The following CFAP221 variants were observed in gnomAD, a reference collection of about 807,000 sequenced individuals.
CFAP221 encodes cilia and flagella associated protein 221, also known as cilia- and flagella-associated protein 221.
In CFAP221, 97 loss-of-function variants were observed where a neutral mutation model predicts 113.1. The observed-to-expected ratio is 0.86, with a 90% confidence interval of 0.73 to 1.02. The LOEUF (loss-of-function observed/expected upper bound fraction) is 1.02. CFAP221 is among the 50% of genes least tolerant of loss of function. The pLI is 0.00. For missense variants in CFAP221, 1,025 were observed against 1,013.4 expected (o/e 1.01, Z -0.16); for synonymous variants, 331 against 354.4 (o/e 0.93, Z 0.74).
At chr2:119,588,195 T>C (rs1683349867) in intron 7 of CFAP221, among the ~76,000 whole-genome samples, 1 of 152,220 alleles carries the variant, frequency 6.6e-6, no homozygotes, top group Non-Finnish European at 1.5e-5. Context: ...GCCCCTCTGA[T>C]GGTCCATAAT....
intron 21 of CFAP221, among the ~76,000 whole-genome samples, chr2:119,642,799 C>T (rs955208425): frequency 6.6e-6 from 1 of 152,014 alleles, no homozygotes; most frequent in African/African-American, 2.4e-5. Context: ...CTCAGCCTCC[C>T]AAAGTGCTGG....
intron 6 of CFAP221, among the ~76,000 whole-genome samples, chr2:119,572,131 A>T (rs1009668966): frequency 6.6e-6 from 1 of 152,176 alleles, no homozygotes; most frequent in Non-Finnish European, 1.5e-5. Context: ...AATTTTCCTT[A>T]CTGAGATAAA....
chr2:119,630,777 C>T lies in CFAP221; in HGVS notation c.1850C>T (p.Thr617Ile). The change falls in exon 19 of 24, where the codon ACC becomes ATC. Residue 617 changes from threonine to isoleucine, a missense_variant. By Grantham distance (89) the Thr-to-Ile change is moderately conservative (BLOSUM62 -1). Transcript: ENST00000413369. Reference protein sequence around the residue: ...ALKQGAEDEVTTITALPKQDS... With the variant: ...ALKQGAEDEVITITALPKQDS... ...CTTGCTCCTTGTTAGGATGAAGTCACCACCATCACAGCCCTTCCGAAACAG... is the reference window on the plus strand; with the variant it reads ...CTTGCTCCTTGTTAGGATGAAGTCATCACCATCACAGCCCTTCCGAAACAG... 1 of 1,610,446 alleles carries T rather than the reference C, an allele frequency of 6.2e-7. No individual in the cohort carries two copies. The highest frequency in any genetic ancestry group is 8.5e-7 in the Non-Finnish European group (1 of 1,176,954).
Position 119,651,614 on chromosome 2 carries a change from A to T in CFAP221, c.2319-360A>T, listed in dbSNP as rs775078539. Among the ~76,000 whole-genome samples the T allele has an allele frequency of 3.3e-5, 5 of 152,206 alleles. No individual in the cohort carries two copies. In the East Asian group the frequency reaches 5.8e-4, roughly 18 times the overall value. ...TCTAATTCCATTGTGGAGAGAGAAC[A>T]TATTCCGACTAATTTTAGTCTTTTG... On this transcript the variant is annotated intron_variant, in intron 22 of 23. Transcript: ENST00000413369.
chr2:119,560,913 A>G (rs1681199042), intron 5 of CFAP221, among the ~76,000 whole-genome samples: 1 of 152,084 alleles, frequency 6.6e-6, no homozygotes, highest in African/African-American at 2.4e-5. Context: ...TAGACCCAAC[A>G]TACCCACAAT....
rs1222323481 is a variant in CFAP221, at chr2:119,630,881, T to G, written c.1954T>G (p.Tyr652Asp). Residue 652 changes from tyrosine (Y) to aspartate (D), a missense_variant, in exon 19 of 24, where the codon TAT becomes GAT. Physicochemically the swap from Tyr to Asp is radical, Grantham distance 160. Coordinates refer to ENST00000413369, the MANE Select transcript of CFAP221 (RefSeq NM_001271049.2). ...PPEALAMSLDYDPLYVFNPNP... is the reference protein window; with the variant it reads ...PPEALAMSLDDDPLYVFNPNP... ...TGAGGCCTTAGCCATGTCTCTAGAT[T>G]ATGATCCTCTGTATGTTTTTGTAAG... is the stretch of plus-strand genomic sequence containing the variant. 1 of 1,613,686 alleles carries G rather than the reference T, an allele frequency of 6.2e-7. No homozygotes were observed. The highest frequency in any genetic ancestry group is 8.5e-7 in the Non-Finnish European group (1 of 1,179,662).
At position 119,556,616 on chromosome 2, in the gene CFAP221, C is replaced by T. The variant is rs376332431; in HGVS notation, c.241-3073C>T. ...TCACCCAGGTTGGAGTGCAATGGCG[C>T]GATCTCAGCTCACTGCAACCTCCAC... On this transcript the variant is annotated intron_variant, in intron 3 of 23. Coordinates refer to ENST00000413369, the MANE Select transcript of CFAP221 (RefSeq NM_001271049.2). Among the ~76,000 whole-genome samples, 6 of 150,302 alleles carry T rather than the reference C, an allele frequency of 4.0e-5. No individual in the cohort carries two copies. The South Asian group carries it at 8.5e-4, about 21-fold the overall frequency.
chr2:119,568,992 T>A (rs1681848580), intron 6 of CFAP221, among the ~76,000 whole-genome samples: 1 of 152,090 alleles, frequency 6.6e-6, no homozygotes, highest in Non-Finnish European at 1.5e-5. Context: ...AGTCGGTGGT[T>A]TTTTTTCCTC....
At chr2:119,580,300 A>G (rs981003291) in intron 6 of CFAP221, 4 of 152,196 alleles carry the variant, frequency 2.6e-5, no homozygotes, top group Non-Finnish European at 4.4e-5. Flanking sequence ...TGTTGACTGA[A>G]GACCATACAC....
At position 119,559,682 on chromosome 2, in the gene CFAP221, CTCCCAGCA is replaced by C; in HGVS notation, c.241-4_244del. 6.6e-7 allele frequency: 1 copy of C among 1,519,882 alleles called. No homozygotes were observed. Among genetic ancestry groups the C allele is most frequent in the Non-Finnish European group, 8.8e-7 (1 of 1,132,280 alleles). 94.1% of individuals were successfully genotyped at this position (1,519,882 alleles called of 1,614,324 possible). On this transcript the variant is annotated splice_acceptor_variant and splice_polypyrimidine_tract_variant and coding_sequence_variant and intron_variant, in exon 4 of 24. Coordinates refer to ENST00000413369, the MANE Select transcript of CFAP221 (RefSeq NM_001271049.2). LOFTEE classifies it high-confidence loss of function. Reference sequence around the variant, plus strand: ...ATTTCCTCTAAATACTTCTTTTTCTCTCCCAGCATCTGGTCAATGTTTCCAATGAAGAC... The same window carrying C: ...ATTTCCTCTAAATACTTCTTTTTCTCTCTGGTCAATGTTTCCAATGAAGAC...
rs182451994 is a variant in CFAP221 at position 119,628,798 on chromosome 2, T to C, written c.1650+1012T>C. ...TGACTTAAAAGAGCAGAATAATTAG[T>C]TCCTAAAGAATAAAAATCCTGTGAT... is the stretch of plus-strand genomic sequence containing the variant. On this transcript the variant is annotated intron_variant, in intron 16 of 23. Transcript: ENST00000413369. 1.5e-3 allele frequency among the ~76,000 whole-genome samples: 227 copies of C among 152,340 alleles called. 1 individual carries two copies. The highest frequency in any genetic ancestry group is 2.3e-3 in the Non-Finnish European group (155 of 68,026).
intron 6 of CFAP221, among the ~76,000 whole-genome samples, chr2:119,574,525 G>A (rs1215517176): frequency 1.3e-5 from 2 of 152,176 alleles, no homozygotes; most frequent in Non-Finnish European, 2.9e-5. Context: ...TGACAGTTGT[G>A]GATGGTTTTT....
At chr2:119,566,239 C>T (rs1373446470) in intron 6 of CFAP221, among the ~76,000 whole-genome samples, 2 of 152,132 alleles carry the variant, frequency 1.3e-5, no homozygotes, top group Non-Finnish European at 2.9e-5. Context: ...TCCCAGGAAT[C>T]GTCATCTGTA....
intron 7 of CFAP221, among the ~76,000 whole-genome samples, chr2:119,598,633 A>G (rs565753820): frequency 1.1e-4 from 17 of 152,264 alleles, no homozygotes; most frequent in South Asian, 2.1e-4. Context: ...AAAGCATGAA[A>G]CATACTCTCC....
chr2:119,550,439 A>G (rs537596399), intron 3 of CFAP221, among the ~76,000 whole-genome samples: 1 of 152,322 alleles, frequency 6.6e-6, no homozygotes, highest in South Asian at 2.1e-4. Flanking sequence ...GGAACCTGTT[A>G]GGTGCCAAGT....
At chr2:119,621,856 CAT>C (rs1685945521) in intron 14 of CFAP221, among the ~76,000 whole-genome samples, 1 of 152,152 alleles carries the variant, frequency 6.6e-6, no homozygotes, top group Non-Finnish European at 1.5e-5. Flanking sequence ...AAAGACACAA[CAT>C]ACCAGAATCT....
chr2:119,628,334 T>TGTGC (rs1553491008), intron 16 of CFAP221, among the ~76,000 whole-genome samples: 57 of 152,004 alleles, frequency 3.7e-4, no homozygotes, highest in African/African-American at 1.4e-3. Flanking sequence ...TGTGTGTGTG[T>TGTGC]ATCTTTCTCT....
intron 16 of CFAP221, among the ~76,000 whole-genome samples, chr2:119,628,294 G>GGTGTGTGTGTGTGTGTGTGT (rs70949303): frequency 1.5e-5 from 2 of 137,490 alleles, no homozygotes; most frequent in Admixed American, 7.3e-5. Context: ...CTCTCTGGGG[G>GGTGTGTGTGTGTGTGTGTGT]GTGTGTGTGT....
intron 13 of CFAP221, among the ~76,000 whole-genome samples, chr2:119,612,884 A>T (rs1279068265): frequency 6.6e-6 from 1 of 152,214 alleles, no homozygotes; most frequent in African/African-American, 2.4e-5. Context: ...CCAAAGTCCT[A>T]TCTGAGACAG....
Sources: allele counts gnomAD v4.1 joint callset (sites outside exome capture counted in the v4.1 genomes callset), GRCh38; gene constraint gnomAD v4.1.1; transcripts MANE v1.5; gene names NCBI Gene and HGNC (gene_info 2026-07-23, HGNC 2026-07-21).